Variants in RTN4RL1 observed in about 807,000 individuals in gnomAD.
RTN4RL1 encodes the protein reticulon-4 receptor-like 1.
In RTN4RL1, 7 loss-of-function variants were observed where a neutral mutation model predicts 25.6. The observed-to-expected ratio is 0.27, with a 90% CI of 0.16 to 0.51. The LOEUF (loss-of-function observed/expected upper bound fraction) is 0.51. RTN4RL1 is among the 20% of genes least tolerant of loss of function. The pLI, the probability that RTN4RL1 is intolerant of heterozygous loss-of-function variation, is 0.97. For missense variants in RTN4RL1, 500 were observed against 615.6 expected (o/e 0.81, Z 1.99); for synonymous variants, 297 against 288.2 (o/e 1.03, Z -0.31).
In RTN4RL1 at chr17:1,988,443, G is replaced by A. The variant is rs572206844; in HGVS notation, c.13+36410C>T. Among the ~76,000 whole-genome samples, 135 of 139,696 alleles carry A rather than the reference G, an allele frequency of 9.7e-4. 1 individual carries two copies. Among genetic ancestry groups the A allele is most frequent in the African/African-American group, 2.7e-3 (103 of 37,844 alleles). The allele number at this position is 139,696 out of a possible 152,430, so 91.6% of individuals were successfully genotyped here. On this transcript the variant is annotated intron_variant, in intron 1 of 1. Transcript: ENST00000331238. Reference sequence around the variant, plus strand: ...AAAAGAAAAGAAAAGAAGGAGCCACGAATATGTTCAGTATTTTGTATTTAC... The same window carrying A: ...AAAAGAAAAGAAAAGAAGGAGCCACAAATATGTTCAGTATTTTGTATTTAC...
At chr17:2,011,599 G>A (rs1197875935) in intron 1 of RTN4RL1, among the ~76,000 whole-genome samples, 1 of 152,170 alleles carries the variant, frequency 6.6e-6, no homozygotes, top group East Asian at 1.9e-4. Context: ...GAGGGACCAC[G>A]GAGGGCTGTA....
At chr17:1,964,588 C>T (rs1031323589) in intron 1 of RTN4RL1, among the ~76,000 whole-genome samples, 16 of 151,834 alleles carry the variant, frequency 1.1e-4, no homozygotes, top group African/African-American at 2.7e-4. Context: ...AAACATTAGC[C>T]GGGCGTGGTG....
chr17:1,960,339 ATGTTAC>A (rs947011555), intron 1 of RTN4RL1, among the ~76,000 whole-genome samples: 1 of 152,060 alleles, frequency 6.6e-6, no homozygotes. Flanking sequence ...AAGTGCTATC[ATGTTAC>A]TTTCCTGCTC....
intron 1 of RTN4RL1, among the ~76,000 whole-genome samples, chr17:1,959,456 C>T (rs1019011648): frequency 2.6e-5 from 4 of 152,102 alleles, no homozygotes; most frequent in African/African-American, 4.8e-5. Flanking sequence ...CTGCTCTTCC[C>T]GGCCTGATGA....
intron 1 of RTN4RL1, among the ~76,000 whole-genome samples, chr17:2,014,584 A>C (rs112191354): frequency 0.015 from 2,298 of 152,232 alleles, 62 homozygotes; most frequent in African/African-American, 0.053. Context: ...GTAATCCCAG[A>C]GCTTTGGGAG....
rs544644036 is a variant in RTN4RL1, at chr17:1,980,102, C to T, written c.14-42294G>A. Among the ~76,000 whole-genome samples the T allele has an allele frequency of 3.2e-3, 476 of 149,714 alleles. 2 individuals carry two copies. Among genetic ancestry groups the T allele is most frequent in the African/African-American group, 0.011 (448 of 39,198 alleles). The stretch of plus-strand genomic sequence containing the variant: ...TGTTTGAGACAGGGCCTCACTCCGT[C>T]GCCCAGCCTGGAGTGCAGTGCCACA... On this transcript the variant is annotated intron_variant, in intron 1 of 1. Transcript: ENST00000331238.
At chr17:1,986,884 G>A (rs1175048846) in intron 1 of RTN4RL1, among the ~76,000 whole-genome samples, 2 of 152,050 alleles carry the variant, frequency 1.3e-5, no homozygotes, top group Non-Finnish European at 2.9e-5. Flanking sequence ...CAGGCTTCCA[G>A]GCCTGGGTTC....
At chr17:1,969,790 T>C (rs1018357225) in intron 1 of RTN4RL1, among the ~76,000 whole-genome samples, 5 of 152,160 alleles carry the variant, frequency 3.3e-5, no homozygotes, top group Non-Finnish European at 5.9e-5. Context: ...AACAAAACCA[T>C]TTCTTACTAC....
intron 1 of RTN4RL1, among the ~76,000 whole-genome samples, chr17:2,023,827 C>A (rs1289795091): frequency 2.0e-5 from 3 of 152,192 alleles, no homozygotes; most frequent in Non-Finnish European, 4.4e-5. Flanking sequence ...AGGGATCAGG[C>A]CCCTCGGCTA....
chr17:1,995,403 G>A lies in RTN4RL1; in HGVS notation c.13+29450C>T, dbSNP rs565603642. On this transcript the variant is annotated intron_variant, in intron 1 of 1. Coordinates refer to ENST00000331238, the MANE Select transcript of RTN4RL1 (RefSeq NM_178568.4). ...ATTGCGCCATTGCACTACAGCCTGG[G>A]TGACAAGAGTGAAACTCTGTCTCAA... Among the ~76,000 whole-genome samples, 4 of 149,678 alleles carry A rather than the reference G, an allele frequency of 2.7e-5. No individual in the cohort carries two copies. The East Asian group carries it at 7.8e-4, about 29-fold the overall frequency.
At chr17:1,943,705 A>G (rs1915483755) in intron 1 of RTN4RL1, among the ~76,000 whole-genome samples, 1 of 152,124 alleles carries the variant, frequency 6.6e-6, no homozygotes, top group African/African-American at 2.4e-5. Flanking sequence ...GCTGCACCCA[A>G]GCACAGGCCA....
chr17:1,988,299 G>T (rs1279801293), intron 1 of RTN4RL1, among the ~76,000 whole-genome samples: 1 of 151,112 alleles, frequency 6.6e-6, no homozygotes, highest in Admixed American at 6.6e-5. Flanking sequence ...CAGCTACTCA[G>T]GAGGCTGAGG....
chr17:2,000,238 C>T (rs1306593354), intron 1 of RTN4RL1, among the ~76,000 whole-genome samples: 1 of 152,218 alleles, frequency 6.6e-6, no homozygotes, highest in Non-Finnish European at 1.5e-5. Flanking sequence ...TCCTGGAGCC[C>T]AGAGCCAAGG....
chr17:1,996,450 G>A (rs557017087), intron 1 of RTN4RL1, among the ~76,000 whole-genome samples: 152 of 141,300 alleles, frequency 1.1e-3, no homozygotes, highest in African/African-American at 3.6e-3. Context: ...CCTGAGAAGC[G>A]GCCAGCTACC....
chr17:1,948,664 T>C (rs1046989420), intron 1 of RTN4RL1, among the ~76,000 whole-genome samples: 1 of 151,898 alleles, frequency 6.6e-6, no homozygotes, highest in Admixed American at 6.6e-5. Flanking sequence ...CATAGGTGTG[T>C]TTAGTGGGGC....
At chr17:1,987,538 G>A (rs895116181) in intron 1 of RTN4RL1, among the ~76,000 whole-genome samples, 1 of 152,152 alleles carries the variant, frequency 6.6e-6, no homozygotes, top group African/African-American at 2.4e-5. Flanking sequence ...TCATGAGCCT[G>A]TAAGATTCCC....
chr17:2,012,004 A>T (rs1260725621), intron 1 of RTN4RL1, among the ~76,000 whole-genome samples: 1 of 152,164 alleles, frequency 6.6e-6, no homozygotes, highest in African/African-American at 2.4e-5. Context: ...AGTTCAAAGT[A>T]ACGAGTCAAT....
At chr17:1,973,517 CA>C (rs34258472) in intron 1 of RTN4RL1, among the ~76,000 whole-genome samples, 500 of 134,802 alleles carry the variant, frequency 3.7e-3, no homozygotes, top group African/African-American at 6.5e-3. Flanking sequence ...GACTCCATGT[CA>C]AAAAAAAAAA....
intron 1 of RTN4RL1, among the ~76,000 whole-genome samples, chr17:2,018,784 G>A (rs1258991827): frequency 1.3e-5 from 2 of 152,156 alleles, no homozygotes; most frequent in African/African-American, 4.8e-5. Context: ...CTGCAGGGTG[G>A]GGGTGGAGGT....
Sources: gnomAD v4.1 joint callset for allele counts (sites outside exome capture counted in the v4.1 genomes callset) on GRCh38, gnomAD v4.1.1 for gene constraint, MANE v1.5 for transcripts, NCBI Gene and HGNC (gene_info 2026-07-23, HGNC 2026-07-21) for gene names.